Variants in LHFPL3 observed in about 807,000 individuals in gnomAD.
LHFPL3 encodes LHFPL tetraspan subfamily member 3.
Under a neutral mutation model 19.3 loss-of-function variants are expected in LHFPL3, and 5 were observed. That is an observed-to-expected ratio of 0.26 (90% CI 0.14 to 0.54). The LOEUF (loss-of-function observed/expected upper bound fraction) is 0.54. Among genes scored for constraint, LHFPL3 ranks in the 20% least tolerant of loss-of-function variants. LHFPL3 has a pLI of 0.94. For missense variants in LHFPL3, 249 were observed against 307.4 expected (o/e 0.81, Z 1.42); for synonymous variants, 133 against 126.2 (o/e 1.05, Z -0.36).
At chr7:104,759,267 C>T (rs1345859917) in intron 2 of LHFPL3, among the ~76,000 whole-genome samples, 1 of 152,052 alleles carries the variant, frequency 6.6e-6, no homozygotes, top group Admixed American at 6.6e-5. Context: ...CCTCATAGAA[C>T]TTTACTTAGG....
At chr7:104,900,470 T>G (rs375288920) in intron 2 of LHFPL3, among the ~76,000 whole-genome samples, 2 of 152,348 alleles carry the variant, frequency 1.3e-5, no homozygotes, top group South Asian at 4.1e-4. Context: ...GGCCTGACTC[T>G]TAGGCCATTT....
chr7:104,829,039 A>G (rs1342687804), intron 2 of LHFPL3, among the ~76,000 whole-genome samples: 1 of 151,880 alleles, frequency 6.6e-6, no homozygotes, highest in Non-Finnish European at 1.5e-5. Flanking sequence ...TCAAAAAAAA[A>G]AGAGTCCCCA....
At chr7:104,378,736 T>C (rs1790764148) in intron 1 of LHFPL3, among the ~76,000 whole-genome samples, 1 of 152,222 alleles carries the variant, frequency 6.6e-6, no homozygotes, top group Non-Finnish European at 1.5e-5. Flanking sequence ...TGCATTTGTC[T>C]TATGACTAGT....
rs373811817 is a variant in LHFPL3, at chr7:104,491,658, T to C, written c.445+162434T>C. ...AGGCTGTCCCTCCACCCACTTCCCA[T>C]TGGAAGTGCTAAGCAATGTGCAGGT... On this transcript the variant is annotated intron_variant, in intron 1 of 2. Coordinates refer to ENST00000424859, the MANE Select transcript of LHFPL3 (RefSeq NM_199000.3). Among the ~76,000 whole-genome samples the C allele has an allele frequency of 2.6e-4, 39 of 152,174 alleles. No individual in the cohort carries two copies. In the East Asian group the frequency reaches 6.6e-3, roughly 26 times the overall value.
intron 1 of LHFPL3, among the ~76,000 whole-genome samples, chr7:104,460,897 T>G (rs1005099035): frequency 2.6e-5 from 4 of 152,234 alleles, no homozygotes; most frequent in African/African-American, 9.6e-5. Context: ...TTCTGGCATC[T>G]TTATCGTGAA....
intron 2 of LHFPL3, among the ~76,000 whole-genome samples, chr7:104,869,160 A>G (rs1791786001): frequency 6.6e-6 from 1 of 152,218 alleles, no homozygotes; most frequent in African/African-American, 2.4e-5. Flanking sequence ...AGGCAATACC[A>G]TTCAGGACAC....
intron 2 of LHFPL3, among the ~76,000 whole-genome samples, chr7:104,775,222 T>C (rs1431042282): frequency 6.6e-6 from 1 of 152,096 alleles, no homozygotes; most frequent in Non-Finnish European, 1.5e-5. Flanking sequence ...TGAAACCCCG[T>C]CTCTACTAAA....
Position 104,906,400 on chromosome 7 carries a change from G to C in LHFPL3, c.*185G>C. 1.5e-6 allele frequency: 1 copy of C among 645,258 alleles called. No individual in the cohort carries two copies. Among genetic ancestry groups the C allele is most frequent in the Non-Finnish European group, 2.5e-6 (1 of 393,090 alleles). The allele number at this position is 645,258 out of a possible 1,614,324, so 40.0% of individuals were successfully genotyped here. ...TTTCTAAATCTAGATCAGCAGAGAT[G>C]GGAGTGATTTTCTGGAAAGAGATGT... On this transcript the variant is annotated 3_prime_UTR_variant, in exon 3 of 3. Transcript: ENST00000424859.
intron 1 of LHFPL3, among the ~76,000 whole-genome samples, chr7:104,701,348 A>G (rs1793096051): frequency 6.6e-6 from 1 of 152,144 alleles, no homozygotes; most frequent in Non-Finnish European, 1.5e-5. Flanking sequence ...TCCACATACA[A>G]CTTACAACTC....
intron 1 of LHFPL3, among the ~76,000 whole-genome samples, chr7:104,671,697 C>T (rs1172144215): frequency 1.3e-5 from 2 of 152,030 alleles, no homozygotes; most frequent in Non-Finnish European, 2.9e-5. Context: ...AATTATTTAA[C>T]CCCTTTCAGC....
At chr7:104,779,508 A>G (rs1167703946) in intron 2 of LHFPL3, among the ~76,000 whole-genome samples, 2 of 152,112 alleles carry the variant, frequency 1.3e-5, no homozygotes, top group Non-Finnish European at 2.9e-5. Flanking sequence ...CCTCTTGGTT[A>G]GATCTCTGGA....
chr7:104,608,462 C>T (rs1391348543), intron 1 of LHFPL3, among the ~76,000 whole-genome samples: 107 of 121,542 alleles, frequency 8.8e-4, no homozygotes, highest in Non-Finnish European at 1.1e-3. Flanking sequence ...CACATGGACA[C>T]AGGAAGGGGA....
At chr7:104,793,948 T>C (rs1180816707) in intron 2 of LHFPL3, among the ~76,000 whole-genome samples, 1 of 152,112 alleles carries the variant, frequency 6.6e-6, no homozygotes, top group Admixed American at 6.5e-5. Flanking sequence ...GAAGTCAAGA[T>C]GGAATCACTC....
At chr7:104,664,828 T>C (rs544996338) in intron 1 of LHFPL3, among the ~76,000 whole-genome samples, 2 of 152,138 alleles carry the variant, frequency 1.3e-5, no homozygotes, top group Non-Finnish European at 2.9e-5. Context: ...TCACCTCCAT[T>C]GGTGAGAATT....
At chr7:104,828,643 C>T (rs1287068181) in intron 2 of LHFPL3, among the ~76,000 whole-genome samples, 3 of 152,112 alleles carry the variant, frequency 2.0e-5, no homozygotes, top group Non-Finnish European at 2.9e-5. Context: ...TATTCTTCAA[C>T]CTCAGGAGTG....
At chr7:104,895,154 C>T (rs1424465888) in intron 2 of LHFPL3, 1 of 152,210 alleles carries the variant, frequency 6.6e-6, no homozygotes, top group African/African-American at 2.4e-5. Context: ...TTTATTGAAA[C>T]TTCAGTACAC....
intron 1 of LHFPL3, among the ~76,000 whole-genome samples, chr7:104,385,209 C>T (rs1226825501): frequency 2.6e-5 from 4 of 152,124 alleles, no homozygotes; most frequent in African/African-American, 4.8e-5. Flanking sequence ...TACCATTAAA[C>T]ATTTGAATTT....
intron 1 of LHFPL3, among the ~76,000 whole-genome samples, chr7:104,648,518 C>T (rs755710186): frequency 9.9e-5 from 15 of 152,152 alleles, no homozygotes; most frequent in East Asian, 1.9e-4. Flanking sequence ...TTTGAGGACA[C>T]GAAACTTGTA....
chr7:104,587,590 G>A (rs1442350484), intron 1 of LHFPL3, among the ~76,000 whole-genome samples: 1 of 152,170 alleles, frequency 6.6e-6, no homozygotes, highest in Non-Finnish European at 1.5e-5. Flanking sequence ...ACATGTTCAT[G>A]TGTCTTTATA....
Sources: allele counts gnomAD v4.1 joint callset (sites outside exome capture counted in the v4.1 genomes callset), GRCh38; gene constraint gnomAD v4.1.1; transcripts MANE v1.5; gene names NCBI Gene and HGNC (gene_info 2026-07-23, HGNC 2026-07-21).